Variants in RP1 observed in about 807,000 individuals in gnomAD.
The protein encoded by RP1 is RP1 axonemal microtubule associated.
RP1 carries 16 observed loss-of-function variants against 14.8 expected under a neutral mutation model. The ratio of observed to expected loss-of-function variants is 1.08; its 90% CI spans 0.73 to 1.65. RP1 has a LOEUF of 1.65. Ranked by LOEUF, RP1 falls within the 40% of genes most tolerant of loss-of-function variation. RP1 has a pLI of 0.00. For missense variants in RP1, 2,631 were observed against 2,535.0 expected (o/e 1.04, Z -0.81); for synonymous variants, 876 against 883.6 (o/e 0.99, Z 0.15).
At chr8:54,652,295 A>G (rs1001395369) in intron 4 of RP1, among the ~76,000 whole-genome samples, 1 of 152,192 alleles carries the variant, frequency 6.6e-6, no homozygotes, top group African/African-American at 2.4e-5. Context: ...AGTTTGCCTT[A>G]TAATACTGAT....
At chr8:54,648,526 A>C (rs1011079934) in intron 3 of RP1, among the ~76,000 whole-genome samples, 34 of 152,280 alleles carry the variant, frequency 2.2e-4, no homozygotes, top group African/African-American at 7.9e-4. Context: ...ACCCAATTCC[A>C]GTTTAAATTC....
chr8:54,615,819 A>G (rs1287297119), upstream of RP1, among the ~76,000 whole-genome samples: 1 of 152,242 alleles, frequency 6.6e-6, no homozygotes, highest in Admixed American at 6.5e-5. Context: ...TCTCCTGTTA[A>G]CATAAATAAA....
intron 24 of RP1, among the ~76,000 whole-genome samples, chr8:54,812,284 G>A (rs1811017307): frequency 1.3e-5 from 2 of 152,170 alleles, no homozygotes; most frequent in Admixed American, 1.3e-4. Context: ...GGCATTACAG[G>A]CATACGCCAT....
intron 1 of RP1, among the ~76,000 whole-genome samples, chr8:54,568,658 G>A (rs1049420874): frequency 6.6e-6 from 1 of 152,242 alleles, no homozygotes; most frequent in African/African-American, 2.4e-5. Flanking sequence ...GAAGTTGGGT[G>A]TGAACAAGAA....
At chr8:54,691,174 C>T (rs1393032616) in intron 12 of RP1, among the ~76,000 whole-genome samples, 2 of 151,998 alleles carry the variant, frequency 1.3e-5, no homozygotes, top group East Asian at 1.9e-4. Flanking sequence ...AAAGACCAGT[C>T]AGTAGGTTTT....
At chr8:54,583,655 T>C (rs1804850802) in intron 1 of RP1, among the ~76,000 whole-genome samples, 1 of 152,246 alleles carries the variant, frequency 6.6e-6, no homozygotes, top group African/African-American at 2.4e-5. Context: ...TGATAAGCTA[T>C]TAATTATTGC....
At chr8:54,706,750 G>T in intron 15 of RP1, 2 of 1,220,926 alleles carry the variant, frequency 1.6e-6, no homozygotes, top group South Asian at 2.7e-5. Flanking sequence ...TTTGGAAATT[G>T]AATGTTACAT....
chr8:54,562,161 A>C (rs1393143545), intron 1 of RP1, among the ~76,000 whole-genome samples: 1 of 152,252 alleles, frequency 6.6e-6, no homozygotes, highest in Non-Finnish European at 1.5e-5. Context: ...TATTACTCAA[A>C]TGATAAAAAC....
intron 24 of RP1, among the ~76,000 whole-genome samples, chr8:54,791,079 CAA>C (rs371333405): frequency 2.2e-4 from 33 of 152,124 alleles, no homozygotes; most frequent in Middle Eastern, 3.4e-3. Flanking sequence ...AAATGAAAGA[CAA>C]AGAGAATTTT....
intron 12 of RP1, among the ~76,000 whole-genome samples, chr8:54,681,289 C>A (rs544615042): frequency 2.1e-4 from 32 of 152,172 alleles, no homozygotes; most frequent in African/African-American, 6.3e-4. Flanking sequence ...GGTCAGAGAC[C>A]AAGACCATTT....
At position 54,625,030 on chromosome 8, in the gene RP1, C is replaced by A; in HGVS notation, c.1148C>A (p.Ala383Glu). 1.2e-6 allele frequency: 2 copies of A among 1,614,166 alleles called. No homozygotes were observed. The highest frequency in any genetic ancestry group is 1.7e-6 in the Non-Finnish European group (2 of 1,180,036). Residue 383 changes from alanine to glutamate, a missense_variant, in exon 4 of 4, where the codon GCA (alanine) becomes GAA (glutamate). Ala to Glu is a moderately radical substitution (Grantham distance 107, BLOSUM62 -1). Coordinates refer to ENST00000220676, the MANE Select transcript of RP1 (RefSeq NM_006269.2). ...AGTCGATCATCTGGTTTAAAGCTTG[C>A]AGCATGTTCATTCTCTGCAGATGTG... is the stretch of plus-strand genomic sequence containing the variant. ...TESRSSGLKL[A>E]ACSFSADVSP...
At position 54,750,935 on chromosome 8, in the gene RP1, C is replaced by A. The variant is rs980316742; in HGVS notation, c.2809-3868C>A. ...GAGGGGAAAAATAAGGGAATAAAAG[C>A]TGGCCACGCCAGCCAGCGGTGGCAA... is the stretch of plus-strand genomic sequence containing the variant. On this transcript the variant is annotated intron_variant, in intron 19 of 22. Transcript: ENST00000636932. 5.7e-4 allele frequency among the ~76,000 whole-genome samples: 86 copies of A among 152,210 alleles called. 1 individual carries two copies. The highest frequency in any genetic ancestry group is 1.3e-4 in the Non-Finnish European group (9 of 68,030).
chr8:54,850,766 A>C (rs1812042733), intron 25 of RP1, among the ~76,000 whole-genome samples: 1 of 152,246 alleles, frequency 6.6e-6, no homozygotes, highest in Admixed American at 6.5e-5. Flanking sequence ...TTAGCATTAA[A>C]AAAGAATTTA....
intron 15 of RP1, among the ~76,000 whole-genome samples, chr8:54,708,644 C>G (rs957987239): frequency 5.9e-5 from 9 of 152,190 alleles, no homozygotes; most frequent in Non-Finnish European, 1.2e-4. Flanking sequence ...CAGGCGTGAG[C>G]CACTGAGCCC....
At chr8:54,726,192 T>C (rs1808650336) in intron 16 of RP1, among the ~76,000 whole-genome samples, 1 of 152,186 alleles carries the variant, frequency 6.6e-6, no homozygotes, top group African/African-American at 2.4e-5. Flanking sequence ...TCATTTTCTG[T>C]TAACTATGTA....
chr8:54,790,150 C>T (rs1037067193), intron 24 of RP1, among the ~76,000 whole-genome samples: 2 of 152,210 alleles, frequency 1.3e-5, no homozygotes, highest in African/African-American at 2.4e-5. Flanking sequence ...GGAGCCCAAC[C>T]AGAAGTTCTG....
chr8:54,699,178 C>T (rs1807951147), intron 12 of RP1, among the ~76,000 whole-genome samples: 1 of 151,182 alleles, frequency 6.6e-6, no homozygotes, highest in African/African-American at 2.4e-5. Context: ...TATATACGTA[C>T]ATACTCAAAT....
intron 23 of RP1, among the ~76,000 whole-genome samples, chr8:54,775,925 A>G (rs996732861): frequency 1.3e-5 from 2 of 152,222 alleles, no homozygotes; most frequent in Non-Finnish European, 2.9e-5. Flanking sequence ...TGGGACACAA[A>G]GAACTCAGGA....
At chr8:54,607,073 T>A (rs1319648947) in intron 1 of RP1, among the ~76,000 whole-genome samples, 2 of 152,252 alleles carry the variant, frequency 1.3e-5, no homozygotes, top group Non-Finnish European at 2.9e-5. Context: ...CCAGCTTTGT[T>A]CCATTGCTGG....
Sources: allele counts gnomAD v4.1 joint callset (sites outside exome capture counted in the v4.1 genomes callset), GRCh38; gene constraint gnomAD v4.1.1; transcripts MANE v1.5; gene names NCBI Gene and HGNC (gene_info 2026-07-23, HGNC 2026-07-21).